The following EXOC4 variants were observed in gnomAD, a reference collection of about 807,000 sequenced individuals.
The protein encoded by EXOC4 is exocyst complex component 4.
EXOC4 carries 71 observed loss-of-function variants against 107.2 expected under a neutral mutation model. The observed-to-expected ratio is 0.66, with a 90% CI of 0.55 to 0.81. The LOEUF is 0.81. EXOC4 is among the 30% of genes least tolerant of loss of function. The probability of loss-of-function intolerance (pLI) is 0.00; values close to 1 mark genes in which losing one functional copy is unlikely to be tolerated. For missense variants in EXOC4, 1,108 were observed against 1,189.6 expected, an observed-to-expected ratio of 0.93 and a Z score of 1.01; for synonymous variants, 456 against 441.2, an observed-to-expected ratio of 1.03 and a Z score of -0.42.
At chr7:133,771,530 G>A (rs1332445434) in intron 10 of EXOC4, 1 of 151,838 alleles carries the variant, frequency 6.6e-6, no homozygotes, top group Non-Finnish European at 1.5e-5. Flanking sequence ...CATAATAGAA[G>A]GAGAAAAGGA....
intron 3 of EXOC4, among the ~76,000 whole-genome samples, chr7:133,303,010 A>G (rs1175636850): frequency 6.6e-6 from 1 of 152,236 alleles, no homozygotes; most frequent in Admixed American, 6.5e-5. Context: ...ATCTTAGTAA[A>G]TACCTGGAAA....
chr7:133,709,499 G>C (rs770253901), intron 10 of EXOC4, among the ~76,000 whole-genome samples: 3 of 152,166 alleles, frequency 2.0e-5, no homozygotes, highest in Non-Finnish European at 2.9e-5. Context: ...TCTGATCCAA[G>C]AGAATGGGGC....
intron 5 of EXOC4, among the ~76,000 whole-genome samples, chr7:133,329,505 T>C (rs991009511): frequency 2.0e-5 from 3 of 152,346 alleles, no homozygotes; most frequent in Non-Finnish European, 2.9e-5. Flanking sequence ...AGAGGCATTC[T>C]AGTTTTTGGA....
the EXOC4 span, among the ~76,000 whole-genome samples, chr7:134,073,070 G>A: frequency 6.6e-6 from 1 of 151,716 alleles, no homozygotes; most frequent in Non-Finnish European, 1.5e-5. Context: ...GCCGGGCATA[G>A]TGGCGGGTGC....
intron 11 of EXOC4, among the ~76,000 whole-genome samples, chr7:133,845,335 A>AGTGTGTGTGTGTGTGTGT (rs34845137): frequency 9.6e-4 from 133 of 138,024 alleles, no homozygotes; most frequent in African/African-American, 3.6e-3. Context: ...GCAGGTTAGT[A>AGTGTGTGTGTGTGTGTGT]GTGTGTGTGT....
rs1434399763 is a variant in EXOC4, at chr7:133,978,287, G to C, written c.2207-19205G>C. Among the ~76,000 whole-genome samples, 3 of 152,322 alleles carry C rather than the reference G, an allele frequency of 2.0e-5. No homozygotes were observed. In the East Asian group the frequency reaches 5.8e-4, roughly 29 times the overall value. Reference sequence around the variant, plus strand: ...ATTCTAGAATCACAAATAAAAGCCAGTTGAGATCTACGTTTGTTGTAATTT... The same window carrying C: ...ATTCTAGAATCACAAATAAAAGCCACTTGAGATCTACGTTTGTTGTAATTT... On this transcript the variant is annotated intron_variant, in intron 14 of 17. Transcript: ENST00000253861.
chr7:133,796,372 C>A (rs903444310), intron 10 of EXOC4, among the ~76,000 whole-genome samples: 1 of 152,184 alleles, frequency 6.6e-6, no homozygotes, highest in Non-Finnish European at 1.5e-5. Context: ...TCCTCCTGAT[C>A]AAGGCTGCCC....
intron 9 of EXOC4, among the ~76,000 whole-genome samples, chr7:133,512,231 A>G (rs1584968649): frequency 6.6e-6 from 1 of 152,150 alleles, no homozygotes; most frequent in South Asian, 2.1e-4. Flanking sequence ...GGAGTTCAAG[A>G]CCAGCCTGGC....
intron 2 of EXOC4, among the ~76,000 whole-genome samples, chr7:133,277,167 C>T (rs1297694807): frequency 2.0e-5 from 3 of 152,164 alleles, no homozygotes; most frequent in African/African-American, 7.2e-5. Context: ...AATTCTTTGC[C>T]TTTACAAGTG....
chr7:133,583,008 C>T (rs1294606444), intron 9 of EXOC4, among the ~76,000 whole-genome samples: 2 of 152,222 alleles, frequency 1.3e-5, no homozygotes, highest in Non-Finnish European at 2.9e-5. Flanking sequence ...AAATAATTCA[C>T]ATGCCATGCA....
chr7:133,618,387 G>C (rs995217920), intron 9 of EXOC4, among the ~76,000 whole-genome samples: 12 of 151,818 alleles, frequency 7.9e-5, no homozygotes, highest in African/African-American at 2.9e-4. Flanking sequence ...TTTTTAATGA[G>C]GTTGGGAGTA....
chr7:133,839,101 C>T (rs967023035), intron 11 of EXOC4, among the ~76,000 whole-genome samples: 3 of 152,186 alleles, frequency 2.0e-5, no homozygotes, highest in Non-Finnish European at 4.4e-5. Context: ...TAACAAGATA[C>T]CTTTTTTCCT....
At chr7:133,902,412 T>G (rs1249554563) in intron 12 of EXOC4, among the ~76,000 whole-genome samples, 4 of 152,226 alleles carry the variant, frequency 2.6e-5, no homozygotes. Flanking sequence ...ATTCCATTTA[T>G]TCAACAAATA....
intron 9 of EXOC4, among the ~76,000 whole-genome samples, chr7:133,559,875 C>G (rs1800774179): frequency 6.6e-6 from 1 of 152,082 alleles, no homozygotes; most frequent in African/African-American, 2.4e-5. Context: ...GTCAGTTGAC[C>G]TTCACTGTGT....
At chr7:133,899,745 CTTT>C (rs35095963) in intron 12 of EXOC4, among the ~76,000 whole-genome samples, 6 of 86,242 alleles carry the variant, frequency 7.0e-5, no homozygotes, top group South Asian at 4.0e-4. Context: ...CAGATGTACT[CTTT>C]TTTTTTTTTT....
chr7:133,659,642 C>T (rs1211231693), intron 10 of EXOC4, among the ~76,000 whole-genome samples: 1 of 152,146 alleles, frequency 6.6e-6, no homozygotes, highest in Non-Finnish European at 1.5e-5. Context: ...CCTACTGAAT[C>T]AGAACCTCTG....
At chr7:133,386,032 G>GT (rs559670925) in intron 7 of EXOC4, among the ~76,000 whole-genome samples, 321 of 145,904 alleles carry the variant, frequency 2.2e-3, no homozygotes, top group South Asian at 0.011. Flanking sequence ...AGGATTTCAA[G>GT]TTTTTTTTTT....
intron 6 of EXOC4, 70 bp from the exon 7 acceptor site, chr7:133,374,758 G>T (rs1268218879): frequency 1.6e-6 from 2 of 1,265,862 alleles, no homozygotes; most frequent in South Asian, 1.5e-5. Context: ...TGTTTTTCTT[G>T]CAGGTCACTG....
At chr7:133,973,615 A>G (rs963645147) in intron 14 of EXOC4, among the ~76,000 whole-genome samples, 73 of 152,218 alleles carry the variant, frequency 4.8e-4, no homozygotes, top group Non-Finnish European at 1.9e-4. Context: ...CTATTGAAAG[A>G]TTTTAGACTA....
Sources: gnomAD v4.1 joint callset for allele counts (sites outside exome capture counted in the v4.1 genomes callset) on GRCh38, gnomAD v4.1.1 for gene constraint, MANE v1.5 for transcripts, NCBI Gene and HGNC (gene_info 2026-07-23, HGNC 2026-07-21) for gene names.